FMO2: variants seen among roughly 807,000 people sequenced by gnomAD.
FMO2 encodes flavin containing dimethylaniline monoxygenase 2.
A neutral mutation model predicts 41.6 loss-of-function variants in FMO2; 33 were observed. That is an observed-to-expected ratio of 0.79 (90% CI 0.60 to 1.06). FMO2 has a LOEUF of 1.06. FMO2 is among the 50% of genes least tolerant of loss of function. The pLI is 0.00. For synonymous variants in FMO2, 214 were observed against 219.6 expected (o/e 0.97, Z 0.23); for missense variants, 619 against 632.9 (o/e 0.98, Z 0.23).
chr1:171,204,997 T>C (rs1443662220), intron 6 of FMO2, among the ~76,000 whole-genome samples: 3 of 152,172 alleles, frequency 2.0e-5, no homozygotes, highest in Admixed American at 6.5e-5. Flanking sequence ...GGATTGACCA[T>C]AGGCACAGGC....
At chr1:171,185,559 C>T in intron 1 of FMO2, 149 bp from the exon 2 acceptor site, 1 of 709,694 alleles carries the variant, frequency 1.4e-6, no homozygotes. Flanking sequence ...AAGAAGAGAG[C>T]AGGATTTTTG....
chr1:171,203,728 T>G (rs749445881), intron 5 of FMO2, 137 bp from the exon 6 acceptor site: 7 of 721,354 alleles, frequency 9.7e-6, no homozygotes, highest in Non-Finnish European at 1.6e-5. Context: ...GGAGGTACTT[T>G]ACATTGAGGT....
Position 171,196,723 on chromosome 1 carries a change from C to T in FMO2, c.396C>T (p.Asn132=), listed in dbSNP as rs41272515. 4.4e-5 allele frequency: 71 copies of T among 1,613,584 alleles called. No individual in the cohort carries two copies. The highest frequency in any genetic ancestry group is 1.0e-4 in the Admixed American group (6 of 59,992). ...SGQWKVVTQS[N]GKEQSAVFDA... is the part of the protein sequence containing the mutation. ...AATGGAAGGTTGTCACTCAGAGCAA[C>T]GGCAAGGAGCAGAGTGCTGTCTTTG... The change falls in exon 4 of 9, where the codon AAC becomes AAT. Residue 132 remains asparagine (N), a synonymous_variant. Coordinates refer to ENST00000209929, the MANE Select transcript of FMO2 (RefSeq NM_001460.5).
intron 2 of FMO2, among the ~76,000 whole-genome samples, chr1:171,192,426 C>G (rs1658119500): frequency 6.6e-6 from 1 of 152,158 alleles, no homozygotes; most frequent in African/African-American, 2.4e-5. Flanking sequence ...TACCAAGTTA[C>G]TTGAAATTAT....
In FMO2 at chr1:171,199,227, A is replaced by G. The variant is rs1571283074; in HGVS notation, c.485-119A>G. On this transcript the variant is annotated intron_variant, in intron 4 of 8. Coordinates refer to ENST00000209929, the MANE Select transcript of FMO2 (RefSeq NM_001460.5). Reference sequence around the variant, plus strand: ...TTTCTTATGTGCTTTACTCCTATAGAGAAGAGGCAAAACAAATTATTAACT... The same window carrying G: ...TTTCTTATGTGCTTTACTCCTATAGGGAAGAGGCAAAACAAATTATTAACT... The G allele has an allele frequency of 3.0e-6, 3 of 1,001,970 alleles. No individual in the cohort carries two copies. The East Asian group carries it at 7.6e-5, about 25-fold the overall frequency. 62.1% of individuals were successfully genotyped at this position (1,001,970 alleles called of 1,614,324 possible). A position where few individuals can be genotyped will look rare whatever the true frequency, so the allele number is the denominator to read the frequency against.
chr1:171,210,433 C>G lies in FMO2; in HGVS notation c.*1288C>G, dbSNP rs1019949912. 1 of 152,308 alleles carries G rather than the reference C, an allele frequency of 6.6e-6. No homozygotes were observed. Among genetic ancestry groups the G allele is most frequent in the Non-Finnish European group, 1.5e-5 (1 of 68,012 alleles). The allele number at this position is 152,308 out of a possible 1,614,324, so 9.4% of individuals were successfully genotyped here. A position where few individuals can be genotyped will look rare whatever the true frequency, so the allele number is the denominator to read the frequency against. ...CTAACATTTGGTAAAAGGAAGTATA[C>G]TGGTCTGTTAGCAGAGACAAACTTT... is the stretch of plus-strand genomic sequence containing the variant. On this transcript the variant is annotated 3_prime_UTR_variant, in exon 9 of 9. Coordinates refer to ENST00000209929, the MANE Select transcript of FMO2 (RefSeq NM_001460.5).
At chr1:171,204,600 A>G (rs980588185) in intron 6 of FMO2, among the ~76,000 whole-genome samples, 6 of 152,188 alleles carry the variant, frequency 3.9e-5, no homozygotes, top group Admixed American at 1.3e-4. Context: ...CCTTAAAAAA[A>G]CAGAAGAGCT....
chr1:171,191,628 T>C (rs1478120034), intron 2 of FMO2, among the ~76,000 whole-genome samples: 4 of 152,086 alleles, frequency 2.6e-5, no homozygotes, highest in African/African-American at 9.7e-5. Context: ...CCTATGTAAC[T>C]TGCTCATGGT....
At chr1:171,205,873 T>C (rs769237131) in intron 7 of FMO2, among the ~76,000 whole-genome samples, 4 of 152,182 alleles carry the variant, frequency 2.6e-5, no homozygotes, top group Non-Finnish European at 4.4e-5. Flanking sequence ...GTCAAGAGAA[T>C]TTCAACTGGC....
chr1:171,203,783 ATG>A, intron 5 of FMO2, 80 bp from the exon 6 acceptor site: 1 of 1,192,608 alleles, frequency 8.4e-7, no homozygotes, highest in South Asian at 1.3e-5. Context: ...GGGGCTACAC[ATG>A]TGATACATGA....
chr1:171,199,254 C>A, intron 4 of FMO2, 92 bp from the exon 5 acceptor site: 1 of 1,281,458 alleles, frequency 7.8e-7, no homozygotes, highest in Non-Finnish European at 1.1e-6. Flanking sequence ...TTATTAACTC[C>A]AGAAAGGAAA....
chr1:171,202,838 A>T (rs193029909), intron 5 of FMO2, among the ~76,000 whole-genome samples: 5 of 152,328 alleles, frequency 3.3e-5, no homozygotes, highest in Admixed American at 3.3e-4. Flanking sequence ...ATTGCATGGT[A>T]TGTAAAAATT....
In FMO2 at chr1:171,205,341, T is replaced by A. The variant is rs1658712031; in HGVS notation, c.890T>A (p.Ile297Asn). Reference protein sequence around the residue: ...DVPSRLLCGAIKVKSTVKELT... With the variant: ...DVPSRLLCGANKVKSTVKELT... ...CCAAGTCGTCTACTCTGTGGAGCCA[T>A]CAAGGTGAAATCTACAGTGAAAGAG... The change falls in exon 7 of 9, where the codon ATC (isoleucine) becomes AAC (asparagine). Residue 297 changes from isoleucine to asparagine, a missense_variant. Coordinates refer to ENST00000209929, the MANE Select transcript of FMO2 (RefSeq NM_001460.5). 3.7e-6 allele frequency: 6 copies of A among 1,613,852 alleles called. No individual in the cohort carries two copies. Among genetic ancestry groups the A allele is most frequent in the Non-Finnish European group, 5.1e-6 (6 of 1,179,844 alleles).
chr1:171,192,749 G>A (rs1053555135), intron 2 of FMO2, among the ~76,000 whole-genome samples: 16 of 138,126 alleles, frequency 1.2e-4, no homozygotes, highest in African/African-American at 4.4e-4. Context: ...CTGGGTGACA[G>A]AGCGAGACTC....
At chr1:171,199,569 C>T (rs540616188) in intron 5 of FMO2, 81 bp downstream of exon 5, 28 of 1,366,588 alleles carry the variant, frequency 2.0e-5, no homozygotes, top group African/African-American at 1.9e-4. Flanking sequence ...CATATAATCG[C>T]GGCTCCAATC....
intron 2 of FMO2, among the ~76,000 whole-genome samples, chr1:171,191,445 A>G (rs1658078861): frequency 6.6e-6 from 1 of 152,192 alleles, no homozygotes; most frequent in Admixed American, 6.5e-5. Context: ...GGCTTAGTAA[A>G]TTTAACGCTA....
chr1:171,204,064 A>G lies in FMO2; in HGVS notation c.827A>G (p.Lys276Arg). The G allele has an allele frequency of 6.2e-7, 1 of 1,612,750 alleles. No individual in the cohort carries two copies. Among genetic ancestry groups the G allele is most frequent in the East Asian group, 2.2e-5 (1 of 44,836 alleles). The stretch of plus-strand genomic sequence containing the variant: ...AATTATGGCCTTGAGCCTCAAAACA[A>G]GTAGAGTTATTTTGCTTTTTTAATG... ...HENYGLEPQN[K>R]YIMKEPVLND... Residue 276 changes from lysine to arginine, a missense_variant and splice_region_variant, in exon 6 of 9, where the codon AAA becomes AGA. By Grantham distance (26) the Lys-to-Arg change is conservative. Transcript: ENST00000209929.
Position 171,209,196 on chromosome 1 carries a change from G to C in FMO2, c.*51G>C. ...ATCTTGTCAGTCACTACCTCCTAAA[G>C]AAAAAAAAAAAGGCTAGAAGAAAAA... On this transcript the variant is annotated 3_prime_UTR_variant, in exon 9 of 9. Coordinates refer to ENST00000209929, the MANE Select transcript of FMO2 (RefSeq NM_001460.5). 1.6e-5 allele frequency: 5 copies of C among 313,554 alleles called. No individual in the cohort carries two copies. Among genetic ancestry groups the C allele is most frequent in the Non-Finnish European group, 1.1e-5 (2 of 177,438 alleles). 19.4% of individuals were successfully genotyped at this position (313,554 alleles called of 1,614,324 possible). A position where few individuals can be genotyped will look rare whatever the true frequency, so the allele number is the denominator to read the frequency against.
chr1:171,209,672 C>T lies in FMO2; in HGVS notation c.*527C>T, dbSNP rs1026746182. On this transcript the variant is annotated 3_prime_UTR_variant, in exon 9 of 9. Transcript: ENST00000209929. ...AAAGTGAGAGGATAGATTTAGAAAA[C>T]ATCAGTGATGCTCAGATAAACTTTT... 5 of 152,148 alleles carry T rather than the reference C, an allele frequency of 3.3e-5. No individual in the cohort carries two copies. Among genetic ancestry groups the T allele is most frequent in the African/African-American group, 9.7e-5 (4 of 41,432 alleles). The allele number at this position is 152,148 out of a possible 1,614,324, so 9.4% of individuals were successfully genotyped here.
Sources: allele counts gnomAD v4.1 joint callset (sites outside exome capture counted in the v4.1 genomes callset), GRCh38; gene constraint gnomAD v4.1.1; transcripts MANE v1.5; gene names NCBI Gene and HGNC (gene_info 2026-07-23, HGNC 2026-07-21).